Variants in GNAL observed in about 807,000 individuals in gnomAD.
GNAL encodes the protein guanine nucleotide-binding protein G(olf) subunit alpha.
A neutral mutation model predicts 55.1 loss-of-function variants in GNAL; 18 were observed. The observed-to-expected ratio is 0.33, with a 90% CI of 0.23 to 0.48. The LOEUF is 0.48. GNAL is among the 20% of genes least tolerant of loss of function. The pLI, the probability that GNAL is intolerant of heterozygous loss-of-function variation, is 0.99. For missense variants in GNAL, 412 were observed against 614.1 expected (o/e 0.67, Z 3.48); for synonymous variants, 253 against 237.0 (o/e 1.07, Z -0.62).
In GNAL at chr18:11,689,756, C is replaced by T. The variant is rs1046793623; in HGVS notation, c.193C>T (p.Arg65Trp). The T allele has an allele frequency of 1.1e-5, 17 of 1,511,430 alleles. No homozygotes were observed. Among genetic ancestry groups the T allele is most frequent in the African/African-American group, 1.4e-5 (1 of 69,352 alleles). 93.6% of individuals were successfully genotyped at this position (1,511,430 alleles called of 1,614,324 possible). Residue 65 changes from arginine to tryptophan, a missense_variant, in exon 1 of 12, where the codon CGG becomes TGG. This residue lies in a region of GNAL where 228 missense variants were observed against 194.8 expected (regional missense o/e 1.17). Coordinates refer to ENST00000334049, the MANE Select transcript of GNAL (RefSeq NM_182978.4). ...RGGEGSPACA[R>W]PKADKPKEKR... ...CGGCGAAGGGAGCCCGGCATGCGCTCGGCCCAAAGCAGACAAGCCGAAGGA... is the reference window on the plus strand; with the variant it reads ...CGGCGAAGGGAGCCCGGCATGCGCTTGGCCCAAAGCAGACAAGCCGAAGGA...
At chr18:11,734,337 T>G (rs1366173345) in intron 1 of GNAL, among the ~76,000 whole-genome samples, 2 of 151,868 alleles carry the variant, frequency 1.3e-5, no homozygotes, top group Admixed American at 1.3e-4. Flanking sequence ...GAGACGGGGT[T>G]TCATCATGTT....
chr18:11,851,329 CCTT>C, intron 5 of GNAL: 1 of 725,524 alleles, frequency 1.4e-6, no homozygotes, highest in Non-Finnish European at 2.1e-6. Flanking sequence ...CACCCCGGCG[CCTT>C]CCGTCCCGCA....
At chr18:11,691,354 A>G (rs1035713175) in intron 1 of GNAL, among the ~76,000 whole-genome samples, 16 of 151,348 alleles carry the variant, frequency 1.1e-4, no homozygotes, top group Non-Finnish European at 2.2e-4. Context: ...TACATTCTGG[A>G]TATTAGCCCT....
rs1567922586 is a variant in GNAL at position 11,885,654 on chromosome 18, C to CA, written c.*4524dup. 1.3e-6 allele frequency: 2 copies of CA among 1,598,434 alleles called. No individual in the cohort carries two copies. Among genetic ancestry groups the CA allele is most frequent in the East Asian group, 2.3e-5 (1 of 44,426 alleles). ...TTAAATACTTATGAAAGCTTTCAGA[C>CA]AAAAATAAACTTTCACGTTACCATG... On this transcript the variant is annotated 3_prime_UTR_variant, in exon 12 of 12. Transcript: ENST00000334049.
At chr18:11,737,738 GT>G (rs1347720634) in intron 1 of GNAL, among the ~76,000 whole-genome samples, 22 of 152,368 alleles carry the variant, frequency 1.4e-4, no homozygotes, top group African/African-American at 5.3e-4. Flanking sequence ...TCCAAGCCCT[GT>G]GCTGGGCACA....
At chr18:11,724,802 A>G (rs2032176439) in intron 1 of GNAL, among the ~76,000 whole-genome samples, 1 of 152,194 alleles carries the variant, frequency 6.6e-6, no homozygotes, top group Non-Finnish European at 1.5e-5. Flanking sequence ...TCAAGCATTC[A>G]GCATCTACCA....
chr18:11,784,643 A>G (rs2034008547), intron 4 of GNAL, among the ~76,000 whole-genome samples: 3 of 152,148 alleles, frequency 2.0e-5, no homozygotes, highest in Admixed American at 2.0e-4. Flanking sequence ...CATACAAATT[A>G]GCATTTTATT....
chr18:11,796,389 A>G (rs1598466652), intron 4 of GNAL, among the ~76,000 whole-genome samples: 1 of 151,108 alleles, frequency 6.6e-6, no homozygotes, highest in East Asian at 1.9e-4. Context: ...CATCCTGGCT[A>G]ACACGGTGAA....
intron 1 of GNAL, among the ~76,000 whole-genome samples, chr18:11,695,387 G>C (rs914122386): frequency 6.6e-6 from 1 of 152,200 alleles, no homozygotes; most frequent in African/African-American, 2.4e-5. Context: ...GCACATGAGA[G>C]ACCATTGGCA....
intron 1 of GNAL, chr18:11,701,981 C>T (rs1327341564): frequency 6.6e-6 from 1 of 152,062 alleles, no homozygotes; most frequent in Non-Finnish European, 1.5e-5. Context: ...AAGAAATCCA[C>T]TCATTAGAGA....
At chr18:11,757,010 G>C in intron 4 of GNAL, among the ~76,000 whole-genome samples, 1 of 152,094 alleles carries the variant, frequency 6.6e-6, no homozygotes, top group East Asian at 1.9e-4. Context: ...TTATATTAAA[G>C]TTAAAAATTA....
chr18:11,744,761 A>G (rs1472073687), intron 1 of GNAL, among the ~76,000 whole-genome samples: 1 of 152,198 alleles, frequency 6.6e-6, no homozygotes, highest in Non-Finnish European at 1.5e-5. Flanking sequence ...CCCAGGCTGG[A>G]GTGCACTGAT....
intron 10 of GNAL, among the ~76,000 whole-genome samples, chr18:11,874,888 C>T (rs920167630): frequency 2.0e-5 from 3 of 151,020 alleles, no homozygotes; most frequent in South Asian, 2.1e-4. Flanking sequence ...GGGTGCTGCA[C>T]CCTCCCTTCT....
chr18:11,760,128 G>A (rs762594764), intron 4 of GNAL, among the ~76,000 whole-genome samples: 3 of 152,124 alleles, frequency 2.0e-5, no homozygotes, highest in Non-Finnish European at 4.4e-5. Flanking sequence ...CGCTCTTGGA[G>A]TGCATCTCCT....
rs528144243 is a variant in GNAL, at chr18:11,838,201, C to T, written c.722+13186C>T. Among the ~76,000 whole-genome samples the T allele has an allele frequency of 2.5e-4, 38 of 152,196 alleles. No individual in the cohort carries two copies. In the South Asian group the frequency reaches 4.6e-3, roughly 18 times the overall value. The stretch of plus-strand genomic sequence containing the variant: ...ATAAACAAAATGTGACGCATCCACA[C>T]GATAGAATGTTATTCAGTTACAAAA... On this transcript the variant is annotated intron_variant, in intron 5 of 11. Coordinates refer to ENST00000334049, the MANE Select transcript of GNAL (RefSeq NM_182978.4).
chr18:11,753,777 A>T (rs775495200), intron 3 of GNAL, 49 bp from the exon 4 acceptor site: 1 of 1,525,592 alleles, frequency 6.6e-7, no homozygotes, highest in Non-Finnish European at 9.1e-7. Flanking sequence ...AGATTATCAT[A>T]CATGGAGCCT....
intron 1 of GNAL, among the ~76,000 whole-genome samples, chr18:11,736,657 T>G (rs2032469590): frequency 6.6e-6 from 1 of 152,164 alleles, no homozygotes; most frequent in Non-Finnish European, 1.5e-5. Context: ...TTCACAATCA[T>G]TTTCCCATGT....
At chr18:11,864,041 T>C (rs1456588041) in intron 6 of GNAL, among the ~76,000 whole-genome samples, 4 of 151,988 alleles carry the variant, frequency 2.6e-5, no homozygotes, top group African/African-American at 4.8e-5. Flanking sequence ...ACACATTAAC[T>C]GTGGCTTTCT....
intron 5 of GNAL, among the ~76,000 whole-genome samples, chr18:11,855,305 C>G (rs542091756): frequency 6.6e-6 from 1 of 152,272 alleles, no homozygotes; most frequent in South Asian, 2.1e-4. Flanking sequence ...TGAAACTTCC[C>G]TACACCAAAG....
Sources: allele counts gnomAD v4.1 joint callset (sites outside exome capture counted in the v4.1 genomes callset), GRCh38; gene constraint gnomAD v4.1.1; regional missense constraint gnomAD v4.1.1; transcripts MANE v1.5; gene names NCBI Gene and HGNC (gene_info 2026-07-23, HGNC 2026-07-21).